LYPLAL1: variants seen among roughly 807,000 people sequenced by gnomAD.
LYPLAL1 encodes the protein lysophospholipase-like protein 1.
In LYPLAL1, 23 loss-of-function variants were observed where a neutral mutation model predicts 19.7. The ratio of observed to expected loss-of-function variants is 1.17; its 90% CI spans 0.84 to 1.65. LYPLAL1 has a LOEUF of 1.65. Among genes scored for constraint, LYPLAL1 ranks in the 40% most tolerant of loss-of-function variants. The pLI is 0.00. For synonymous variants in LYPLAL1, 119 were observed against 96.3 expected, an observed-to-expected ratio of 1.24 and a Z score of -1.38; for missense variants, 355 against 279.4, an observed-to-expected ratio of 1.27 and a Z score of -1.93.
chr1:219,344,796 A>G, the LYPLAL1 span, among the ~76,000 whole-genome samples: 1 of 152,202 alleles, frequency 6.6e-6, no homozygotes, highest in East Asian at 1.9e-4. Context: ...CCATTAAAAT[A>G]TCCAGTCAAT....
At chr1:219,224,180 TTATG>T in the LYPLAL1 span, among the ~76,000 whole-genome samples, 1 of 152,168 alleles carries the variant, frequency 6.6e-6, no homozygotes, top group Non-Finnish European at 1.5e-5. Flanking sequence ...AGCTTCTCGA[TTATG>T]TAACAAGAAA....
Position 219,193,265 on chromosome 1 carries a change from A to G in LYPLAL1, c.361+14A>G, listed in dbSNP as rs1657342270. Reference sequence around the variant, plus strand: ...GGATATTAATAGGTAAGACCTTTAAATGTTGGTAATTTATCACTGTTCACT... The same window carrying G: ...GGATATTAATAGGTAAGACCTTTAAGTGTTGGTAATTTATCACTGTTCACT... On this transcript the variant is annotated intron_variant, in intron 3 of 4. Coordinates refer to ENST00000366928, the MANE Select transcript of LYPLAL1 (RefSeq NM_138794.5). 1 of 1,594,692 alleles carries G rather than the reference A, an allele frequency of 6.3e-7. No homozygotes were observed. Among genetic ancestry groups the G allele is most frequent in the African/African-American group, 1.3e-5 (1 of 74,272 alleles).
the LYPLAL1 span, among the ~76,000 whole-genome samples, chr1:219,388,061 C>G: frequency 6.6e-6 from 1 of 152,146 alleles, no homozygotes; most frequent in African/African-American, 2.4e-5. Context: ...AAATGTTTTA[C>G]CTCCTCCACT....
intron 2 of LYPLAL1, among the ~76,000 whole-genome samples, chr1:219,188,424 G>T (rs1337521236): frequency 6.6e-6 from 1 of 151,632 alleles, no homozygotes; most frequent in Non-Finnish European, 1.5e-5. Context: ...CAGAAATGTT[G>T]CAAAGAGCCC....
the LYPLAL1 span, among the ~76,000 whole-genome samples, chr1:219,405,968 C>A: frequency 6.6e-6 from 1 of 152,194 alleles, no homozygotes; most frequent in African/African-American, 2.4e-5. Context: ...GAATGCCTTG[C>A]AAGTCTACTT....
the LYPLAL1 span, among the ~76,000 whole-genome samples, chr1:219,352,362 C>CA: frequency 6.6e-6 from 1 of 151,902 alleles, no homozygotes; most frequent in South Asian, 2.1e-4. Context: ...ACTAAAAATA[C>CA]AAAAAATTAG....
chr1:219,351,649 A>G, the LYPLAL1 span, among the ~76,000 whole-genome samples: 1 of 152,154 alleles, frequency 6.6e-6, no homozygotes, highest in Non-Finnish European at 1.5e-5. Flanking sequence ...TTGTTGCTGA[A>G]TCTGGGAAAG....
the LYPLAL1 span, among the ~76,000 whole-genome samples, chr1:219,225,658 C>T: frequency 6.6e-6 from 1 of 152,266 alleles, no homozygotes; most frequent in South Asian, 2.1e-4. Context: ...TTCCCATGTG[C>T]CCTGAGAGTT....
At chr1:219,205,779 T>C (rs1658527536) in intron 3 of LYPLAL1, among the ~76,000 whole-genome samples, 1 of 152,222 alleles carries the variant, frequency 6.6e-6, no homozygotes, top group Non-Finnish European at 1.5e-5. Flanking sequence ...TTCAGAATGA[T>C]AGCATTCTTC....
the LYPLAL1 span, among the ~76,000 whole-genome samples, chr1:219,420,313 A>C: frequency 6.6e-6 from 1 of 152,374 alleles, no homozygotes; most frequent in East Asian, 1.9e-4. Flanking sequence ...GTTTGAGGGG[A>C]TACTGCTGTG....
At chr1:219,210,049 T>C (rs957411123) in intron 3 of LYPLAL1, among the ~76,000 whole-genome samples, 6 of 152,164 alleles carry the variant, frequency 3.9e-5, no homozygotes, top group Admixed American at 3.3e-4. Flanking sequence ...CTCAAATTTT[T>C]TTTATCATTC....
chr1:219,298,064 T>G, the LYPLAL1 span, among the ~76,000 whole-genome samples: 2 of 152,122 alleles, frequency 1.3e-5, no homozygotes, highest in African/African-American at 4.8e-5. Flanking sequence ...AATCCCAGCA[T>G]TTTGGGAGGC....
the LYPLAL1 span, among the ~76,000 whole-genome samples, chr1:219,415,980 T>G: frequency 6.6e-6 from 1 of 152,224 alleles, no homozygotes. Flanking sequence ...GACAGGTGAA[T>G]TTTGCTCTGA....
At chr1:219,384,786 C>A in the LYPLAL1 span, among the ~76,000 whole-genome samples, 1 of 152,066 alleles carries the variant, frequency 6.6e-6, no homozygotes, top group Non-Finnish European at 1.5e-5. Context: ...AAGCAGCATT[C>A]CTAAATAACC....
chr1:219,323,295 G>A, the LYPLAL1 span, among the ~76,000 whole-genome samples: 1 of 152,184 alleles, frequency 6.6e-6, no homozygotes, highest in South Asian at 2.1e-4. Context: ...ACCTCATGAA[G>A]AGGAAGAAAA....
the LYPLAL1 span, among the ~76,000 whole-genome samples, chr1:219,383,617 A>G: frequency 6.6e-6 from 1 of 152,254 alleles, no homozygotes; most frequent in Non-Finnish European, 1.5e-5. Context: ...GTAGTTCACC[A>G]TAACATTATA....
the LYPLAL1 span, among the ~76,000 whole-genome samples, chr1:219,359,136 C>T: frequency 1.3e-5 from 2 of 152,066 alleles, no homozygotes; most frequent in Non-Finnish European, 2.9e-5. Context: ...CAAACAAATT[C>T]CTGGCAATTA....
chr1:219,179,214 CAT>C lies in LYPLAL1; in HGVS notation c.161_162del (p.Ile54LysfsTer25), dbSNP rs763083200. 2.5e-6 allele frequency: 4 copies of C among 1,612,150 alleles called. No homozygotes were observed. Among genetic ancestry groups the C allele is most frequent in the Non-Finnish European group, 3.4e-6 (4 of 1,178,940 alleles). On this transcript the variant is annotated frameshift_variant, in exon 2 of 5. Transcript: ENST00000366928. LOFTEE classifies it high-confidence loss of function. Reference protein sequence around the residue: ...VLNQDLTFQHIKIIYPTAPPR... With the variant: ...VLNQDLTFQHXKIIYPTAPPR... ...TAAATCAAGATTTAACATTCCAACA[CAT>C]AAAAATTATTTATCCAACAGCTCCT... is the stretch of plus-strand genomic sequence containing the variant.
chr1:219,240,172 G>A, the LYPLAL1 span, among the ~76,000 whole-genome samples: 32 of 152,092 alleles, frequency 2.1e-4, no homozygotes, highest in Admixed American at 2.0e-4. Flanking sequence ...TTGAAATCAC[G>A]TGTGCCCTTG....
Sources: gnomAD v4.1 joint callset for allele counts (sites outside exome capture counted in the v4.1 genomes callset) on GRCh38, gnomAD v4.1.1 for gene constraint, MANE v1.5 for transcripts, NCBI Gene and HGNC (gene_info 2026-07-23, HGNC 2026-07-21) for gene names.